RBBP8NL: variants seen among roughly 807,000 people sequenced by gnomAD.
RBBP8NL encodes RBBP8 N-terminal like.
Under a neutral mutation model 62.2 loss-of-function variants are expected in RBBP8NL, and 59 were observed. The observed-to-expected ratio is 0.95, with a 90% confidence interval of 0.77 to 1.18. RBBP8NL has a LOEUF of 1.18. Ranked by LOEUF, RBBP8NL falls within the 50% of genes most tolerant of loss-of-function variation. The pLI, the probability that RBBP8NL is intolerant of heterozygous loss-of-function variation, is 0.00. For missense variants in RBBP8NL, 896 were observed against 899.5 expected, an observed-to-expected ratio of 1.00 and a Z score of 0.05; for synonymous variants, 412 against 394.1, an observed-to-expected ratio of 1.05 and a Z score of -0.54.
At chr20:62,416,265 CCAGGGGTTGGGGGGGACAGGGG>C in intron 5 of RBBP8NL, 29 bp from the exon 6 acceptor site, 2 of 650,006 alleles carry the variant, frequency 3.1e-6, no homozygotes, top group Non-Finnish European at 5.0e-6. Flanking sequence ...AGCAAAGCAG[CCAGGGGTTGGGGGGGACAGGGG>C]CAGGGGTGGG....
intron 5 of RBBP8NL, among the ~76,000 whole-genome samples, 197 bp from the exon 6 acceptor site, chr20:62,416,433 C>T (rs941827731): frequency 5.9e-5 from 9 of 152,166 alleles, no homozygotes; most frequent in South Asian, 4.1e-4. Flanking sequence ...GTGCCGGCCT[C>T]GAGGGAAGGG....
At position 62,414,490 on chromosome 20, in the gene RBBP8NL, G is replaced by T. The variant is rs1204874987; in HGVS notation, c.861C>A (p.Asp287Glu). ...GGGGGCGGTTTAGGAGGCAGAGCCG[G>T]TCCACCTTCGGGGAGAGCTTCGGGG... is the stretch of plus-strand genomic sequence containing the variant. ...HEAPKLSPKV[D>E]RLCLLNRPLS... The change falls in exon 10 of 14, where the codon GAC becomes GAA. Residue 287 changes from aspartate to glutamate, a missense_variant. By Grantham distance (45) the Asp-to-Glu change is conservative. Transcript: ENST00000252998. The T allele has an allele frequency of 2.1e-6, 3 of 1,462,702 alleles. No homozygotes were observed. The highest frequency in any genetic ancestry group is 2.9e-5 in the South Asian group (2 of 68,750). 90.6% of individuals were successfully genotyped at this position (1,462,702 alleles called of 1,614,324 possible).
intron 1 of RBBP8NL, among the ~76,000 whole-genome samples, chr20:62,424,184 G>A (rs1184438982): frequency 6.6e-6 from 1 of 152,004 alleles, no homozygotes; most frequent in East Asian, 1.9e-4. Flanking sequence ...CCTCCCACTC[G>A]GGAGTCCAGG....
chr20:62,413,954 C>A lies in RBBP8NL; in HGVS notation c.1397G>T (p.Ser466Ile). The A allele has an allele frequency of 6.3e-7, 1 of 1,581,588 alleles. No individual in the cohort carries two copies. Among genetic ancestry groups the A allele is most frequent in the South Asian group, 1.2e-5 (1 of 86,674 alleles). The change falls in exon 10 of 14, where the codon AGC (serine) becomes ATC (isoleucine). Residue 466 changes from serine (S) to isoleucine (I), a missense_variant. Transcript: ENST00000252998. Reference sequence around the variant, plus strand: ...GCTGGCAGTGTGGGCAGCGGCAGGGCTGAGTGACCCATGCTGGCCGGCCGG... The same window carrying A: ...GCTGGCAGTGTGGGCAGCGGCAGGGATGAGTGACCCATGCTGGCCGGCCGG... ...PKPAGQHGSL[S>I]PAAAHTASPE...
intron 1 of RBBP8NL, among the ~76,000 whole-genome samples, chr20:62,421,211 T>C (rs1988689718): frequency 6.6e-6 from 1 of 152,186 alleles, no homozygotes; most frequent in East Asian, 1.9e-4. Flanking sequence ...TGGGGGAGTG[T>C]GTGTGTTTGC....
At chr20:62,424,618 C>T (rs1988769595) in intron 1 of RBBP8NL, among the ~76,000 whole-genome samples, 1 of 152,194 alleles carries the variant, frequency 6.6e-6, no homozygotes, top group South Asian at 2.1e-4. Context: ...GGACAGGGCC[C>T]AGGAGAGCCC....
intron 3 of RBBP8NL, among the ~76,000 whole-genome samples, chr20:62,417,615 C>A (rs1344211299): frequency 1.8e-5 from 2 of 108,680 alleles, no homozygotes; most frequent in Non-Finnish European, 3.7e-5. Context: ...ACGCACCACC[C>A]CCCCCAGTCA....
chr20:62,417,667 C>G (rs1476929163), intron 3 of RBBP8NL, among the ~76,000 whole-genome samples: 2 of 114,586 alleles, frequency 1.7e-5, no homozygotes, highest in African/African-American at 3.6e-5. Context: ...CCACGCACCC[C>G]CCCCAGTCAT....
intron 3 of RBBP8NL, among the ~76,000 whole-genome samples, chr20:62,417,612 ACCCCC>A (rs1271414491): frequency 4.9e-5 from 1 of 20,566 alleles, no homozygotes; most frequent in Non-Finnish European, 9.0e-5. Context: ...TCCACGCACC[ACCCCC>A]CCCAGTCATC....
Position 62,412,640 on chromosome 20 carries a change from C to A in RBBP8NL, c.1860G>T (p.Ser620=), listed in dbSNP as rs200015969. The A allele has an allele frequency of 1.9e-6, 3 of 1,605,414 alleles. No individual in the cohort carries two copies. Among genetic ancestry groups the A allele is most frequent in the Non-Finnish European group, 2.5e-6 (3 of 1,179,886 alleles). The stretch of plus-strand genomic sequence containing the variant: ...CAGCTGTACCTTTGTCCCCAGGCTC[C>A]GAGGCCCGCTTCCTCTTCCGTGGTG... ...QGPPRKRKRA[S]EPGDKASKKP... Residue 620 remains serine, a synonymous_variant, in exon 13 of 14, where the codon TCG becomes TCT. Coordinates refer to ENST00000252998, the MANE Select transcript of RBBP8NL (RefSeq NM_080833.3).
At chr20:62,426,896 G>A (rs1406227572) in intron 1 of RBBP8NL, among the ~76,000 whole-genome samples, 1 of 152,240 alleles carries the variant, frequency 6.6e-6, no homozygotes, top group East Asian at 1.9e-4. Flanking sequence ...CGGAGGTGGA[G>A]GTGGGCCGGG....
At chr20:62,411,062 A>ACCCAGGAGGC in intron 13 of RBBP8NL, 66 bp from the exon 14 acceptor site, 19 of 1,053,954 alleles carry the variant, frequency 1.8e-5, no homozygotes, top group Non-Finnish European at 2.5e-5. Flanking sequence ...ACTGGCTCTC[A>ACCCAGGAGGC]CCTAGGGCCT....
Position 62,410,487 on chromosome 20 carries a change from G to A in RBBP8NL, c.*391C>T, listed in dbSNP as rs1988408499. 1 of 212,694 alleles carries A rather than the reference G, an allele frequency of 4.7e-6. No homozygotes were observed. The highest frequency in any genetic ancestry group is 9.8e-5 in the South Asian group (1 of 10,216). 13.2% of individuals were successfully genotyped at this position (212,694 alleles called of 1,614,324 possible). A position where few individuals can be genotyped will look rare whatever the true frequency, so the allele number is the denominator to read the frequency against. On this transcript the variant is annotated 3_prime_UTR_variant, in exon 14 of 14. Transcript: ENST00000252998. The stretch of plus-strand genomic sequence containing the variant: ...CAGGGGTAGGGCTGGGCTGGAGCCT[G>A]AGTGATCCCGCCTCCAGTCCCCACA...
At chr20:62,419,326 C>G (rs538432977) in intron 2 of RBBP8NL, among the ~76,000 whole-genome samples, 1 of 152,190 alleles carries the variant, frequency 6.6e-6, no homozygotes, top group Non-Finnish European at 1.5e-5. Context: ...GAAAGTGCCC[C>G]TCCCCCTCGG....
chr20:62,419,497 T>G (rs1210687314), intron 2 of RBBP8NL, 90 bp downstream of exon 2: 1 of 1,345,826 alleles, frequency 7.4e-7, no homozygotes, highest in East Asian at 2.3e-5. Flanking sequence ...GAATTGGAGG[T>G]GATCATGGGT....
intron 2 of RBBP8NL, 54 bp downstream of exon 2, chr20:62,419,532 AG>A: frequency 6.4e-7 from 1 of 1,570,014 alleles, no homozygotes; most frequent in African/African-American, 1.3e-5. Flanking sequence ...TCCGACCCTT[AG>A]GTGAGGGCTG....
intron 1 of RBBP8NL, among the ~76,000 whole-genome samples, chr20:62,421,638 G>A (rs1030186872): frequency 6.7e-6 from 1 of 150,122 alleles, no homozygotes; most frequent in African/African-American, 2.5e-5. Flanking sequence ...ATGTGTGTGT[G>A]CCAGAGCCAG....
At chr20:62,415,754 C>T in intron 7 of RBBP8NL, 34 bp downstream of exon 7, 1 of 1,609,908 alleles carries the variant, frequency 6.2e-7, no homozygotes, top group Non-Finnish European at 8.5e-7. Flanking sequence ...CTGCGGGGGC[C>T]CAGCCTCCCA....
chr20:62,416,336 C>T (rs1988566069), intron 5 of RBBP8NL, 100 bp from the exon 6 acceptor site: 10 of 1,077,674 alleles, frequency 9.3e-6, no homozygotes, highest in Non-Finnish European at 1.4e-5. Flanking sequence ...GCAGTGCCCC[C>T]AGCACGTAGC....
Sources: allele counts gnomAD v4.1 joint callset (sites outside exome capture counted in the v4.1 genomes callset), GRCh38; gene constraint gnomAD v4.1.1; transcripts MANE v1.5; gene names NCBI Gene and HGNC (gene_info 2026-07-23, HGNC 2026-07-21).